The following EARS2 variants were observed in gnomAD, a reference collection of about 807,000 sequenced individuals.
The protein encoded by EARS2 is nondiscriminating glutamyl-tRNA synthetase EARS2, mitochondrial.
A neutral mutation model predicts 54.1 loss-of-function variants in EARS2; 50 were observed. The ratio of observed to expected loss-of-function variants is 0.92; its 90% CI spans 0.74 to 1.17. The LOEUF (loss-of-function observed/expected upper bound fraction) is 1.17, where lower values mean the gene tolerates loss of function less well. Ranked by LOEUF, EARS2 falls within the 50% of genes most tolerant of loss-of-function variation. The pLI is 0.00. For missense variants in EARS2, 673 were observed against 675.0 expected, an observed-to-expected ratio of 1.00 and a Z score of 0.03; for synonymous variants, 298 against 281.0, an observed-to-expected ratio of 1.06 and a Z score of -0.61.
rs763599964 is a variant in EARS2 at position 23,552,291 on chromosome 16, C to G, written c.153G>C (p.Leu51=). Residue 51 remains leucine (L), a synonymous_variant, in exon 2 of 9, where the codon CTG becomes CTC. Coordinates refer to ENST00000449606, the MANE Select transcript of EARS2 (RefSeq NM_001083614.2). The part of the protein sequence containing the change: ...FAPSPTGFLH[L]GGLRTALYNY... Reference sequence around the variant, plus strand: ...TGTACAAGGCAGTGCGGAGGCCACCCAGGTGCAAGAAGCCTGGAGAAGAGA... The same window carrying G: ...TGTACAAGGCAGTGCGGAGGCCACCGAGGTGCAAGAAGCCTGGAGAAGAGA... The G allele has an allele frequency of 1.2e-6, 2 of 1,614,032 alleles. No homozygotes were observed. Among genetic ancestry groups the G allele is most frequent in the East Asian group, 2.2e-5 (1 of 44,898 alleles).
At chr16:23,550,743 T>C (rs1965681813) in intron 2 of EARS2, 1 of 152,148 alleles carries the variant, frequency 6.6e-6, no homozygotes, top group Admixed American at 6.5e-5. Flanking sequence ...GGCCAACCAT[T>C]TTATACTCTT....
At position 23,552,139 on chromosome 16, in the gene EARS2, C is replaced by A. The variant is rs752345246; in HGVS notation, c.295+10G>T. Reference sequence around the variant, plus strand: ...TCCCTGCAGAAAGATCCTTTCTCTGCCAGGCTTACCTGCCCACTCCAGCAT... The same window carrying A: ...TCCCTGCAGAAAGATCCTTTCTCTGACAGGCTTACCTGCCCACTCCAGCAT... On this transcript the variant is annotated intron_variant, in intron 2 of 8. Coordinates refer to ENST00000449606, the MANE Select transcript of EARS2 (RefSeq NM_001083614.2). 1 of 1,610,928 alleles carries A rather than the reference C, an allele frequency of 6.2e-7. No homozygotes were observed. The highest frequency in any genetic ancestry group is 1.1e-5 in the South Asian group (1 of 90,992).
At position 23,522,110 on chromosome 16, in the gene EARS2, A is replaced by G. The variant is rs1037867512; in HGVS notation, c.*2261T>C. 2.2e-5 allele frequency: 6 copies of G among 272,992 alleles called. No homozygotes were observed. The highest frequency in any genetic ancestry group is 1.3e-4 in the African/African-American group (6 of 45,846). The allele number at this position is 272,992 out of a possible 1,614,324, so 16.9% of individuals were successfully genotyped here. A position where few individuals can be genotyped will look rare whatever the true frequency, so the allele number is the denominator to read the frequency against. On this transcript the variant is annotated 3_prime_UTR_variant, in exon 9 of 9. Transcript: ENST00000449606. Reference sequence around the variant, plus strand: ...GAGGGTGAGGCTCATATAAGCGCACAATAAATTACAAGTATTATTATTGTC... The same window carrying G: ...GAGGGTGAGGCTCATATAAGCGCACGATAAATTACAAGTATTATTATTGTC...
At chr16:23,548,985 A>G (rs1043329929) in intron 2 of EARS2, among the ~76,000 whole-genome samples, 1 of 152,168 alleles carries the variant, frequency 6.6e-6, no homozygotes, top group South Asian at 2.1e-4. Flanking sequence ...CTGTCATTCA[A>G]TAAAATTCTT....
At chr16:23,552,329 A>C in intron 1 of EARS2, 25 bp from the exon 2 acceptor site, 2 of 1,610,308 alleles carry the variant, frequency 1.2e-6, no homozygotes, top group Admixed American at 1.7e-5. Flanking sequence ...AGCTCAGATA[A>C]GACAGGGAAG....
intron 8 of EARS2, 177 bp downstream of exon 8, chr16:23,525,067 A>G: frequency 1.3e-6 from 1 of 763,004 alleles, no homozygotes; most frequent in Non-Finnish European, 2.2e-6. Flanking sequence ...TACCTAACAC[A>G]ATGCTTGCAC....
chr16:23,532,644 G>A lies in EARS2; in HGVS notation c.1067+13C>T. ...CCCTTTGCCACCAGGGGATCTCCATGCTCCCCACTCACCTGTTGAATTCTG... is the reference window on the plus strand; with the variant it reads ...CCCTTTGCCACCAGGGGATCTCCATACTCCCCACTCACCTGTTGAATTCTG... On this transcript the variant is annotated intron_variant, in intron 5 of 8. Coordinates refer to ENST00000449606, the MANE Select transcript of EARS2 (RefSeq NM_001083614.2). 1.2e-6 allele frequency: 2 copies of A among 1,605,842 alleles called. No individual in the cohort carries two copies. The highest frequency in any genetic ancestry group is 1.7e-5 in the Admixed American group (1 of 59,856).
intron 4 of EARS2, among the ~76,000 whole-genome samples, chr16:23,534,360 C>T (rs1039756400): frequency 6.6e-6 from 1 of 152,194 alleles, no homozygotes; most frequent in African/African-American, 2.4e-5. Flanking sequence ...CTTGCTTCTT[C>T]AAGGTTTGGG....
intron 3 of EARS2, among the ~76,000 whole-genome samples, chr16:23,544,283 G>T (rs1165544739): frequency 6.6e-6 from 1 of 152,200 alleles, no homozygotes; most frequent in African/African-American, 2.4e-5. Context: ...GGAGATGGAA[G>T]TAGATCTTCC....
At chr16:23,552,054 A>G in intron 2 of EARS2, 95 bp downstream of exon 2, 1 of 1,483,808 alleles carries the variant, frequency 6.7e-7, no homozygotes, top group Non-Finnish European at 9.1e-7. Flanking sequence ...GGAACTCCCC[A>G]TTTTCCACTC....
chr16:23,552,190 G>A lies in EARS2; in HGVS notation c.254C>T (p.Pro85Leu). The A allele has an allele frequency of 6.2e-7, 1 of 1,614,140 alleles. No individual in the cohort carries two copies. Among genetic ancestry groups the A allele is most frequent in the East Asian group, 2.2e-5 (1 of 44,882 alleles). ...GTCCTCAATATTCTCCGCTGCCCCA[G>A]GCACAACGCGAGTCTGATCTGTGTC... ...LEDTDQTRVV[P>L]GAAENIEDML... Residue 85 changes from proline to leucine, a missense_variant, in exon 2 of 9, where the codon CCT (proline) becomes CTT (leucine). Pro to Leu is a moderately conservative substitution (Grantham distance 98). Coordinates refer to ENST00000449606, the MANE Select transcript of EARS2 (RefSeq NM_001083614.2).
chr16:23,544,740 C>CA (rs1567387201), intron 2 of EARS2, 37 bp from the exon 3 acceptor site: 2 of 1,540,050 alleles, frequency 1.3e-6, no homozygotes, highest in South Asian at 2.4e-5. Flanking sequence ...AAGGTGCACA[C>CA]AGCGCTCGTT....
At chr16:23,549,273 T>G (rs1314607884) in intron 2 of EARS2, among the ~76,000 whole-genome samples, 1 of 152,046 alleles carries the variant, frequency 6.6e-6, no homozygotes, top group Non-Finnish European at 1.5e-5. Context: ...TTCCCAAGTT[T>G]TTGGGTGCCA....
chr16:23,533,835 C>G (rs1965366562), intron 4 of EARS2, among the ~76,000 whole-genome samples: 1 of 152,156 alleles, frequency 6.6e-6, no homozygotes, highest in South Asian at 2.1e-4. Context: ...GCGGGTGGAT[C>G]ACCTGAGGTC....
intron 8 of EARS2, chr16:23,524,967 C>A: frequency 1.7e-6 from 1 of 578,830 alleles, no homozygotes; most frequent in Non-Finnish European, 3.0e-6. Flanking sequence ...ATTAAGTAAG[C>A]TGTTGCTAGG....
At chr16:23,526,727 A>G (rs1257511855) in intron 7 of EARS2, among the ~76,000 whole-genome samples, 1 of 152,106 alleles carries the variant, frequency 6.6e-6, no homozygotes, top group Non-Finnish European at 1.5e-5. Context: ...TTCTTCCACA[A>G]ATTGAAGCCT....
intron 1 of EARS2, chr16:23,556,783 C>A (rs1567393759): frequency 2.3e-6 from 1 of 426,614 alleles, no homozygotes; most frequent in Non-Finnish European, 4.6e-6. Context: ...GTCTCCTATC[C>A]TGTTTCACTT....
rs758466186 is a variant in EARS2 at position 23,552,244 on chromosome 16, T to C, written c.200A>G (p.Tyr67Cys). The C allele has an allele frequency of 3.1e-6, 5 of 1,614,216 alleles. No homozygotes were observed. Among genetic ancestry groups the C allele is most frequent in the African/African-American group, 1.3e-5 (1 of 75,064 alleles). ...ALYNYIFAKKYQGSFILRLED... is the reference protein window; with the variant it reads ...ALYNYIFAKKCQGSFILRLED... Reference sequence around the variant, plus strand: ...TAGCCTCAGGATGAAGCTCCCCTGGTACTTCTTAGCAAAGATGTAGTTGTA... The same window carrying C: ...TAGCCTCAGGATGAAGCTCCCCTGGCACTTCTTAGCAAAGATGTAGTTGTA... The change falls in exon 2 of 9, where the codon TAC becomes TGC. Residue 67 changes from tyrosine (Y) to cysteine (C), a missense_variant. This residue lies in a region of EARS2 where 316 missense variants were observed against 275.2 expected (regional missense o/e 1.15). Coordinates refer to ENST00000449606, the MANE Select transcript of EARS2 (RefSeq NM_001083614.2).
At chr16:23,530,838 T>C (rs915052694) in intron 5 of EARS2, among the ~76,000 whole-genome samples, 21 of 151,670 alleles carry the variant, frequency 1.4e-4, no homozygotes, top group Non-Finnish European at 2.9e-5. Context: ...ATGTCACCAC[T>C]GCACTCCAGC....
Sources: allele counts gnomAD v4.1 joint callset (sites outside exome capture counted in the v4.1 genomes callset), GRCh38; gene constraint gnomAD v4.1.1; regional missense constraint gnomAD v4.1.1; transcripts MANE v1.5; gene names NCBI Gene and HGNC (gene_info 2026-07-23, HGNC 2026-07-21).